Variants in MAN1B1 observed in about 807,000 individuals in gnomAD.
The protein encoded by MAN1B1 is endoplasmic reticulum mannosyl-oligosaccharide 1,2-alpha-mannosidase.
MAN1B1 carries 66 observed loss-of-function variants against 75.5 expected under a neutral mutation model. That is an observed-to-expected ratio of 0.87 (90% CI 0.72 to 1.07). The LOEUF (loss-of-function observed/expected upper bound fraction) is 1.07. MAN1B1 is among the 50% of genes least tolerant of loss of function. The pLI is 0.00. For synonymous variants in MAN1B1, 453 were observed against 382.8 expected (o/e 1.18, Z -2.14); for missense variants, 973 against 912.5 (o/e 1.07, Z -0.85).
intron 8 of MAN1B1, chr9:137,102,822 G>C (rs537573892): frequency 4.4e-6 from 2 of 450,622 alleles, no homozygotes; most frequent in East Asian, 1.4e-4. Flanking sequence ...GTGCAGGTCG[G>C]TGGTGTTACA....
chr9:137,100,266 C>T (rs890118188), intron 6 of MAN1B1, among the ~76,000 whole-genome samples: 2 of 152,222 alleles, frequency 1.3e-5, no homozygotes, highest in Non-Finnish European at 2.9e-5. Flanking sequence ...GAGTATGTGT[C>T]TTCGGTTATT....
intron 3 of MAN1B1, 93 bp downstream of exon 3, chr9:137,089,098 C>A: frequency 6.8e-7 from 1 of 1,462,344 alleles, no homozygotes; most frequent in African/African-American, 1.4e-5. Flanking sequence ...TTTCCTTTAC[C>A]ATTTATTACC....
At chr9:137,087,987 A>C in intron 1 of MAN1B1, 88 bp from the exon 2 acceptor site, 4 of 1,061,222 alleles carry the variant, frequency 3.8e-6, no homozygotes, top group Non-Finnish European at 5.9e-6. Flanking sequence ...TTCCAGAAGA[A>C]TTCCTTATTG....
At chr9:137,107,820 G>T (rs1831173554) in intron 12 of MAN1B1, 158 bp downstream of exon 12, 4 of 968,058 alleles carry the variant, frequency 4.1e-6, no homozygotes, top group Non-Finnish European at 6.4e-6. Flanking sequence ...CTGCAGCTTG[G>T]GGGCCCTGGC....
chr9:137,107,623 G>A lies in MAN1B1; in HGVS notation c.1857G>A (p.Trp619Ter). Residue 619 changes from tryptophan (W) to a stop codon, truncating the protein, a stop_gained, in exon 12 of 13, where the codon TGG becomes TGA. Coordinates refer to ENST00000371589, the MANE Select transcript of MAN1B1 (RefSeq NM_016219.5). LOFTEE classifies it high-confidence loss of function. The stretch of plus-strand genomic sequence containing the variant: ...CAGGGGACCGCAAATACCAGGACTG[G>A]GGCTGGGAGATTCTGCAGAGCTTCA... ...RVTGDRKYQD[W>*]GWEILQSFSR... 6.2e-7 allele frequency: 1 copy of A among 1,610,888 alleles called. No individual in the cohort carries two copies. The highest frequency in any genetic ancestry group is 8.5e-7 in the Non-Finnish European group (1 of 1,179,960).
In MAN1B1 at chr9:137,086,993, C is replaced by G. The variant is rs1338361616; in HGVS notation, c.-7C>G. 3 of 1,586,458 alleles carry G rather than the reference C, an allele frequency of 1.9e-6. No homozygotes were observed. Among genetic ancestry groups the G allele is most frequent in the Non-Finnish European group, 2.6e-6 (3 of 1,168,570 alleles). On this transcript the variant is annotated 5_prime_UTR_variant, in exon 1 of 13. Transcript: ENST00000371589. The stretch of plus-strand genomic sequence containing the variant: ...CGTGTGATGGGCGGGCTGTTGACGG[C>G]GCTGCGATGGCTGCCTGCGAGGGCA...
At chr9:137,088,283 ATGGCAACGAAT>A (rs1830429009) in intron 2 of MAN1B1, 100 bp downstream of exon 2, 3 of 1,611,648 alleles carry the variant, frequency 1.9e-6, no homozygotes, top group Non-Finnish European at 2.5e-6. Flanking sequence ...GGAGGCATAT[ATGGCAACGAAT>A]TGGCAAGAAA....
chr9:137,107,575 C>T lies in MAN1B1; in HGVS notation c.1809C>T (p.Ser603=). The change falls in exon 12 of 13, where the codon AGC becomes AGT. Residue 603 remains serine, a synonymous_variant. Transcript: ENST00000371589. Reference sequence around the variant, plus strand: ...TGCTGCGGCCAGAGACCGTGGAGAGCCTGTTCTACCTGTACCGCGTCACAG... The same window carrying T: ...TGCTGCGGCCAGAGACCGTGGAGAGTCTGTTCTACCTGTACCGCGTCACAG... The part of the protein sequence containing the change: ...HNLLRPETVE[S]LFYLYRVTGD... The T allele has an allele frequency of 6.2e-7, 1 of 1,612,548 alleles. No individual in the cohort carries two copies. Among genetic ancestry groups the T allele is most frequent in the Non-Finnish European group, 8.5e-7 (1 of 1,179,976 alleles).
chr9:137,108,619 C>A lies in MAN1B1; in HGVS notation c.*28C>A. ...TGGATGGCTGCTGGTGTGGGGACTT[C>A]GGGTGGGCAGAGGCACCTTGCTGGG... On this transcript the variant is annotated 3_prime_UTR_variant, in exon 13 of 13. Transcript: ENST00000371589. 1 of 1,608,940 alleles carries A rather than the reference C, an allele frequency of 6.2e-7. No individual in the cohort carries two copies. The highest frequency in any genetic ancestry group is 8.5e-7 in the Non-Finnish European group (1 of 1,176,002).
chr9:137,106,557 A>G, intron 9 of MAN1B1, 132 bp from the exon 10 acceptor site: 1 of 1,432,202 alleles, frequency 7.0e-7, no homozygotes, highest in Non-Finnish European at 9.7e-7. Flanking sequence ...TGGGCTGTGC[A>G]GGGTGGCACC....
intron 3 of MAN1B1, among the ~76,000 whole-genome samples, chr9:137,090,759 G>A (rs748552104): frequency 2.6e-5 from 4 of 151,948 alleles, no homozygotes; most frequent in South Asian, 4.2e-4. Flanking sequence ...GGCTGGTCTC[G>A]AACTCCTGAC....
chr9:137,101,934 T>C lies in MAN1B1; in HGVS notation c.1254+262T>C, dbSNP rs200387128. The C allele has an allele frequency of 6.0e-3, 2,853 of 473,912 alleles. 21 individuals carry two copies. Among genetic ancestry groups the C allele is most frequent in the African/African-American group, 0.042 (1,217 of 28,816 alleles). 29.4% of individuals were successfully genotyped at this position (473,912 alleles called of 1,614,324 possible). ...GCAGGTCGGTGGTGTTACACACATT[T>C]GGGCTGTTGCAGGCGTACAGGTCAG... On this transcript the variant is annotated intron_variant, in intron 8 of 12. Coordinates refer to ENST00000371589, the MANE Select transcript of MAN1B1 (RefSeq NM_016219.5).
chr9:137,100,602 A>C (rs545938139), intron 6 of MAN1B1, among the ~76,000 whole-genome samples: 17 of 152,092 alleles, frequency 1.1e-4, no homozygotes, highest in Non-Finnish European at 2.4e-4. Context: ...GGCTCATTGC[A>C]ACCTTGGCCT....
chr9:137,088,396 G>T (rs761903217), intron 2 of MAN1B1: 2 of 1,578,082 alleles, frequency 1.3e-6, no homozygotes, highest in Non-Finnish European at 1.7e-6. Flanking sequence ...CTAGGTCTCT[G>T]GTGTAAGTAC....
chr9:137,087,434 CG>C (rs1445706607), intron 1 of MAN1B1: 9 of 715,392 alleles, frequency 1.3e-5, no homozygotes, highest in Non-Finnish European at 2.0e-5. Context: ...TTCTGCGGGG[CG>C]GTGGTGGGAA....
chr9:137,101,014 A>G lies in MAN1B1; in HGVS notation c.926A>G (p.Glu309Gly). Residue 309 changes from glutamate (E) to glycine (G), a missense_variant, in exon 7 of 13, where the codon GAA (glutamate) becomes GGA (glycine). By Grantham distance (98) the Glu-to-Gly change is moderately conservative. Transcript: ENST00000371589. ...CTGTTTTATGTCATAGAATTTGAGG[A>G]AGCCAGGAAGTGGGTGTCGAAGAAG... Reference protein sequence around the residue: ...WILGLRKEFEEARKWVSKKLH... With the variant: ...WILGLRKEFEGARKWVSKKLH... The G allele has an allele frequency of 6.2e-7, 1 of 1,614,190 alleles. No individual in the cohort carries two copies. The highest frequency in any genetic ancestry group is 8.5e-7 in the Non-Finnish European group (1 of 1,180,022).
rs1192488660 is a variant in MAN1B1, at chr9:137,088,769, A to T, written c.329-100A>T. ...GTGACTATCAGGTATCATAATGTTGATTTGTAATGGATAGTGCCTGCCAAG... is the reference window on the plus strand; with the variant it reads ...GTGACTATCAGGTATCATAATGTTGTTTTGTAATGGATAGTGCCTGCCAAG... On this transcript the variant is annotated intron_variant, in intron 2 of 12. Transcript: ENST00000371589. 5.5e-5 allele frequency: 70 copies of T among 1,272,604 alleles called. 1 individual carries two copies. Among genetic ancestry groups the T allele is most frequent in the South Asian group, 4.3e-4 (36 of 82,862 alleles). 78.8% of individuals were successfully genotyped at this position (1,272,604 alleles called of 1,614,324 possible).
rs1831093886 is a variant in MAN1B1, at chr9:137,106,202, T to C, written c.1332T>C (p.Asn444=). ...ATGGGCTGGTGCCCATGTTCATCAA[T>C]ACCCACAGTGGCCTCTTCACCCACC... ...KKDGLVPMFI[N]THSGLFTHLG... is the part of the protein sequence containing the mutation. The change falls in exon 9 of 13, where the codon AAT becomes AAC. Residue 444 remains asparagine, a synonymous_variant. Transcript: ENST00000371589. 1 of 1,611,754 alleles carries C rather than the reference T, an allele frequency of 6.2e-7. No homozygotes were observed. The highest frequency in any genetic ancestry group is 8.5e-7 in the Non-Finnish European group (1 of 1,179,528).
In MAN1B1 at chr9:137,088,941, C is replaced by G; in HGVS notation, c.401C>G (p.Pro134Arg). 6.2e-7 allele frequency: 1 copy of G among 1,613,986 alleles called. No individual in the cohort carries two copies. The change falls in exon 3 of 13, where the codon CCC becomes CGC. Residue 134 changes from proline to arginine, a missense_variant. Physicochemically the swap from Pro to Arg is moderately radical, Grantham distance 103. Transcript: ENST00000371589. ...EIAGLKPANP[P>R]VLPAPQKADT... ...GCTGGGTTAAAACCAGCAAATCCAC[C>G]CGTCTTACCAGCTCCTCAGAAGGCG...
Sources: allele counts gnomAD v4.1 joint callset (sites outside exome capture counted in the v4.1 genomes callset), GRCh38; gene constraint gnomAD v4.1.1; transcripts MANE v1.5; gene names NCBI Gene and HGNC (gene_info 2026-07-23, HGNC 2026-07-21).